MAN1A1: variants seen among roughly 807,000 people sequenced by gnomAD.
MAN1A1 encodes the protein mannosyl-oligosaccharide 1,2-alpha-mannosidase IA.
In MAN1A1, 29 loss-of-function variants were observed where a neutral mutation model predicts 70.8. That is an observed-to-expected ratio of 0.41 (90% confidence interval 0.31 to 0.56). The LOEUF is 0.56. MAN1A1 is among the 20% of genes least tolerant of loss of function. The probability of loss-of-function intolerance (pLI) is 0.29; values close to 1 mark genes in which losing one functional copy is unlikely to be tolerated. For missense variants in MAN1A1, 747 were observed against 841.3 expected (o/e 0.89, Z 1.39); for synonymous variants, 349 against 330.1 (o/e 1.06, Z -0.62).
At chr6:119,279,160 C>T (rs886361984) in intron 5 of MAN1A1, among the ~76,000 whole-genome samples, 1 of 152,146 alleles carries the variant, frequency 6.6e-6, no homozygotes, top group Non-Finnish European at 1.5e-5. Flanking sequence ...ACCATATAGC[C>T]TTAACTTTAA....
At chr6:119,237,422 A>AT (rs1446138021) in intron 6 of MAN1A1, among the ~76,000 whole-genome samples, 1 of 151,864 alleles carries the variant, frequency 6.6e-6, no homozygotes, top group African/African-American at 2.4e-5. Flanking sequence ...CCTCTCCTAC[A>AT]TTTTTTTCAG....
At chr6:119,192,546 A>T (rs2114935557) in intron 9 of MAN1A1, among the ~76,000 whole-genome samples, 1 of 152,324 alleles carries the variant, frequency 6.6e-6, no homozygotes, top group East Asian at 1.9e-4. Flanking sequence ...ATGTCAAAAT[A>T]ACCCAGACCT....
chr6:119,180,264 T>A (rs1773114982), intron 12 of MAN1A1, 48 bp downstream of exon 12: 1 of 1,256,556 alleles, frequency 8.0e-7, no homozygotes, highest in Non-Finnish European at 1.2e-6. Context: ...TCTACAAAGA[T>A]CTGTTCAGGT....
At position 119,287,482 on chromosome 6, in the gene MAN1A1, TGTA is replaced by T. The variant is rs916938400; in HGVS notation, c.897+3198_897+3200del. On this transcript the variant is annotated intron_variant, in intron 5 of 12. Transcript: ENST00000368468. The stretch of plus-strand genomic sequence containing the variant: ...TATCATCTTTGCTTTACTCTTATTC[TGTA>T]GTAGTATTTCCAAAATTTGTTCTGA... 1.4e-3 allele frequency among the ~76,000 whole-genome samples: 219 copies of T among 152,238 alleles called. 1 individual carries two copies. Among genetic ancestry groups the T allele is most frequent in the African/African-American group, 5.1e-3 (211 of 41,564 alleles).
intron 2 of MAN1A1, among the ~76,000 whole-genome samples, chr6:119,333,162 G>T (rs1328257071): frequency 6.6e-6 from 1 of 152,134 alleles, no homozygotes; most frequent in African/African-American, 2.4e-5. Context: ...TCAATCAAAG[G>T]CATTACTTCC....
intron 6 of MAN1A1, among the ~76,000 whole-genome samples, chr6:119,235,560 T>C (rs1462356271): frequency 6.6e-6 from 1 of 152,208 alleles, no homozygotes; most frequent in East Asian, 1.9e-4. Context: ...GAGAAGAAGC[T>C]GTCTCTGTAA....
chr6:119,268,469 T>C (rs1169639389), intron 5 of MAN1A1, among the ~76,000 whole-genome samples: 3 of 151,888 alleles, frequency 2.0e-5, no homozygotes, highest in East Asian at 3.9e-4. Flanking sequence ...CTGCAGAGTA[T>C]AGGATAAGGT....
intron 2 of MAN1A1, among the ~76,000 whole-genome samples, chr6:119,338,494 G>A (rs986681047): frequency 1.3e-5 from 2 of 152,140 alleles, no homozygotes; most frequent in African/African-American, 4.8e-5. Context: ...ATATTTCTAG[G>A]AAATCTCATG....
chr6:119,290,964 G>A (rs773034732), intron 4 of MAN1A1, among the ~76,000 whole-genome samples: 5 of 151,372 alleles, frequency 3.3e-5, no homozygotes, highest in Non-Finnish European at 5.9e-5. Flanking sequence ...CATCACTAAC[G>A]GACCCCCAAA....
intron 5 of MAN1A1, among the ~76,000 whole-genome samples, chr6:119,272,544 T>C (rs990273467): frequency 2.0e-5 from 3 of 152,174 alleles, no homozygotes; most frequent in Non-Finnish European, 4.4e-5. Context: ...TCCATGTATG[T>C]TAGTAATAAA....
chr6:119,197,233 T>C (rs976112010), intron 8 of MAN1A1, among the ~76,000 whole-genome samples: 2 of 150,632 alleles, frequency 1.3e-5, no homozygotes, highest in African/African-American at 4.9e-5. Flanking sequence ...CGCTTGAACC[T>C]GGCAGGTGGA....
chr6:119,268,354 A>G (rs770258481), intron 5 of MAN1A1, among the ~76,000 whole-genome samples: 1 of 152,138 alleles, frequency 6.6e-6, no homozygotes, highest in Non-Finnish European at 1.5e-5. Flanking sequence ...CTACCCTGTA[A>G]CGCCCTGGTC....
At chr6:119,189,915 T>G in intron 9 of MAN1A1, 32 bp from the exon 10 acceptor site, 1 of 1,510,908 alleles carries the variant, frequency 6.6e-7, no homozygotes, top group East Asian at 2.3e-5. Context: ...TAACATTTTG[T>G]AATCTCTTCT....
In MAN1A1 at chr6:119,344,417, C is replaced by G. The variant is rs148279491; in HGVS notation, c.603+4046G>C. ...ACTTAAACTGTTGAAAACTAACCTA[C>G]TTGTTAAGGAGAGAAAAACCTTCAC... On this transcript the variant is annotated intron_variant, in intron 2 of 12. Coordinates refer to ENST00000368468, the MANE Select transcript of MAN1A1 (RefSeq NM_005907.4). 1.7e-3 allele frequency among the ~76,000 whole-genome samples: 257 copies of G among 152,334 alleles called. 1 individual carries two copies. The highest frequency in any genetic ancestry group is 6.1e-3 in the African/African-American group (252 of 41,568).
chr6:119,205,420 C>T (rs1186375391), intron 6 of MAN1A1, among the ~76,000 whole-genome samples: 1 of 152,184 alleles, frequency 6.6e-6, no homozygotes, highest in East Asian at 1.9e-4. Flanking sequence ...TATCTTCACA[C>T]TATTTTATCT....
intron 2 of MAN1A1, among the ~76,000 whole-genome samples, chr6:119,310,960 T>G (rs189593117): frequency 6.6e-6 from 1 of 152,170 alleles, no homozygotes; most frequent in East Asian, 1.9e-4. Flanking sequence ...TCTCATTTAC[T>G]GAGGAGTAAG....
intron 11 of MAN1A1, among the ~76,000 whole-genome samples, chr6:119,185,844 G>GTTTTTTTT: frequency 7.6e-6 from 1 of 132,162 alleles, no homozygotes; most frequent in Non-Finnish European, 1.6e-5. Context: ...TGGCCTCCCA[G>GTTTTTTTT]TTTTTTTTTT....
intron 8 of MAN1A1, among the ~76,000 whole-genome samples, chr6:119,199,104 C>T (rs991814167): frequency 9.2e-5 from 14 of 152,192 alleles, no homozygotes; most frequent in African/African-American, 3.1e-4. Flanking sequence ...AATATTGACC[C>T]ATTCCATTAT....
At chr6:119,283,957 A>T (rs1776287590) in intron 5 of MAN1A1, among the ~76,000 whole-genome samples, 1 of 152,108 alleles carries the variant, frequency 6.6e-6, no homozygotes, top group Non-Finnish European at 1.5e-5. Flanking sequence ...CAGTTGGATG[A>T]ACATTACTGT....
Sources: gnomAD v4.1 joint callset for allele counts (sites outside exome capture counted in the v4.1 genomes callset) on GRCh38, gnomAD v4.1.1 for gene constraint, MANE v1.5 for transcripts, NCBI Gene and HGNC (gene_info 2026-07-23, HGNC 2026-07-21) for gene names.